The following PPFIA1 variants were observed in gnomAD, a reference collection of about 807,000 sequenced individuals.
PPFIA1 encodes the protein liprin-alpha-1.
A neutral mutation model predicts 149.9 loss-of-function variants in PPFIA1; 25 were observed. The observed-to-expected ratio is 0.17, with a 90% CI of 0.12 to 0.23. PPFIA1 has a LOEUF of 0.23. PPFIA1 is among the 10% of genes least tolerant of loss of function. The probability of loss-of-function intolerance (pLI) is 1.00; values close to 1 mark genes in which losing one functional copy is unlikely to be tolerated. For synonymous variants in PPFIA1, 549 were observed against 552.8 expected (o/e 0.99, Z 0.10); for missense variants, 1,362 against 1,506.5 (o/e 0.90, Z 1.59).
Position 70,362,507 on chromosome 11 carries a change from C to G in PPFIA1, c.2865+19C>G. ...TAGAACGGTACGTTCAGAGACAACC[C>G]CTGCATTCTTTGGAAACAGGGAATG... On this transcript the variant is annotated intron_variant, in intron 21 of 27. Transcript: ENST00000253925. 6.4e-7 allele frequency: 1 copy of G among 1,556,616 alleles called. No homozygotes were observed. The highest frequency in any genetic ancestry group is 8.7e-7 in the Non-Finnish European group (1 of 1,149,524).
intron 2 of PPFIA1, among the ~76,000 whole-genome samples, chr11:70,318,867 T>C (rs764360733): frequency 2.0e-5 from 3 of 152,250 alleles, no homozygotes; most frequent in Non-Finnish European, 4.4e-5. Flanking sequence ...CATCCCTGAT[T>C]GCTCCTAGCC....
At chr11:70,371,400 T>TCG (rs1459492251) in intron 21 of PPFIA1, 3 of 15,110 alleles carry the variant, frequency 2.0e-4, no homozygotes, top group East Asian at 1.6e-3. Context: ...GTTTGGTGGA[T>TCG]TGTTCTATAT....
chr11:70,301,829 G>A (rs896735566), intron 2 of PPFIA1, among the ~76,000 whole-genome samples: 3 of 152,164 alleles, frequency 2.0e-5, no homozygotes, highest in African/African-American at 4.8e-5. Flanking sequence ...TAGAGCTCTC[G>A]TCAGACTGCT....
intron 2 of PPFIA1, among the ~76,000 whole-genome samples, chr11:70,284,563 G>T (rs919475637): frequency 6.6e-6 from 1 of 152,200 alleles, no homozygotes; most frequent in Non-Finnish European, 1.5e-5. Context: ...TGCAGGTTGC[G>T]AGACACATCC....
At chr11:70,356,092 G>C (rs2056346437) in intron 18 of PPFIA1, 69 bp from the exon 19 acceptor site, 2 of 1,241,618 alleles carry the variant, frequency 1.6e-6, no homozygotes, top group Admixed American at 3.8e-5. Flanking sequence ...ATATTCATCT[G>C]CCTATTTATG....
Position 70,372,335 on chromosome 11 carries a change from C to G in PPFIA1, c.2986C>G (p.His996Asp). 1 of 1,614,182 alleles carries G rather than the reference C, an allele frequency of 6.2e-7. No individual in the cohort carries two copies. Among genetic ancestry groups the G allele is most frequent in the Non-Finnish European group, 8.5e-7 (1 of 1,180,040 alleles). The change falls in exon 22 of 28, where the codon CAC (histidine) becomes GAC (aspartate). Residue 996 changes from histidine (H) to aspartate (D), a missense_variant. Physicochemically the swap from His to Asp is moderately conservative, Grantham distance 81. Coordinates refer to ENST00000253925, the MANE Select transcript of PPFIA1 (RefSeq NM_003626.5). ...ECLVDARMLD[H>D]LTKKDLRGQL... ...CCTTGTAGACGCCAGGATGCTGGAC[C>G]ACTTGACCAAGAAAGACCTTCGAGG...
chr11:70,380,306 G>A lies in PPFIA1; in HGVS notation c.3551-1782G>A, dbSNP rs1230097107. Among the ~76,000 whole-genome samples, 4 of 151,748 alleles carry A rather than the reference G, an allele frequency of 2.6e-5. No homozygotes were observed. In the East Asian group the frequency reaches 5.8e-4, roughly 22 times the overall value. ...AAATCGGCCGGGCTCGGTGGCTCAC[G>A]CCTGTAATCCCAGCACTTTGGGAGG... On this transcript the variant is annotated intron_variant, in intron 26 of 27. Coordinates refer to ENST00000253925, the MANE Select transcript of PPFIA1 (RefSeq NM_003626.5).
chr11:70,374,407 C>T (rs1034907315), intron 23 of PPFIA1: 1 of 152,392 alleles, frequency 6.6e-6, no homozygotes. Context: ...TGCAAAGTCT[C>T]TAATGTGCTG....
intron 2 of PPFIA1, among the ~76,000 whole-genome samples, chr11:70,302,925 C>T (rs1317517471): frequency 7.9e-5 from 12 of 152,084 alleles, no homozygotes; most frequent in Admixed American, 6.5e-5. Context: ...CCTAATAAGG[C>T]GTCTTTCAGT....
At position 70,372,321 on chromosome 11, in the gene PPFIA1, C is replaced by T. The variant is rs549513152; in HGVS notation, c.2972C>T (p.Ala991Val). Residue 991 changes from alanine (A) to valine (V), a missense_variant, in exon 22 of 28, where the codon GCC becomes GTC. Physicochemically the swap from Ala to Val is moderately conservative, Grantham distance 64 (BLOSUM62 0). This residue lies in a region of PPFIA1 where 349 missense variants were observed against 373.3 expected (regional missense o/e 0.93). Coordinates refer to ENST00000253925, the MANE Select transcript of PPFIA1 (RefSeq NM_003626.5). Reference sequence around the variant, plus strand: ...TACTTCATGGAGTGCCTTGTAGACGCCAGGATGCTGGACCACTTGACCAAG... The same window carrying T: ...TACTTCATGGAGTGCCTTGTAGACGTCAGGATGCTGGACCACTTGACCAAG... ...RSYFMECLVD[A>V]RMLDHLTKKD... 6.2e-7 allele frequency: 1 copy of T among 1,614,190 alleles called. No individual in the cohort carries two copies. Among genetic ancestry groups the T allele is most frequent in the East Asian group, 2.2e-5 (1 of 44,880 alleles).
chr11:70,318,103 C>G (rs895957296), intron 2 of PPFIA1, among the ~76,000 whole-genome samples: 1 of 152,120 alleles, frequency 6.6e-6, no homozygotes, highest in Admixed American at 6.5e-5. Context: ...TTCTCCATGC[C>G]CATTCACCTC....
chr11:70,295,271 C>T (rs1315972371), intron 2 of PPFIA1, among the ~76,000 whole-genome samples: 2,536 of 105,998 alleles, frequency 0.024, 154 homozygotes, highest in African/African-American at 0.058. Flanking sequence ...GGTGGCTGGC[C>T]GGGCGAGGGG....
At chr11:70,337,814 C>T (rs1211858816) in intron 12 of PPFIA1, among the ~76,000 whole-genome samples, 2 of 152,080 alleles carry the variant, frequency 1.3e-5, no homozygotes, top group Non-Finnish European at 2.9e-5. Flanking sequence ...GTTATTATTT[C>T]ATAATGTATT....
chr11:70,297,816 A>G (rs1275780234), intron 2 of PPFIA1, among the ~76,000 whole-genome samples: 3 of 152,164 alleles, frequency 2.0e-5, no homozygotes, highest in Admixed American at 6.5e-5. Flanking sequence ...TGGGAGAGCA[A>G]GTTTCTGGTG....
chr11:70,281,750 G>A (rs955714213), intron 2 of PPFIA1, among the ~76,000 whole-genome samples: 1 of 152,106 alleles, frequency 6.6e-6, no homozygotes, highest in Admixed American at 6.6e-5. Flanking sequence ...CTGAATAGTG[G>A]ACTCACCTCA....
At chr11:70,316,951 T>C (rs1321644410) in intron 2 of PPFIA1, among the ~76,000 whole-genome samples, 1 of 152,218 alleles carries the variant, frequency 6.6e-6, no homozygotes, top group Non-Finnish European at 1.5e-5. Context: ...TTTAGCTGAT[T>C]TTAGTGTTAC....
intron 14 of PPFIA1, among the ~76,000 whole-genome samples, chr11:70,340,144 A>G (rs974454022): frequency 6.6e-6 from 1 of 151,970 alleles, no homozygotes; most frequent in Non-Finnish European, 1.5e-5. Context: ...ATTAAAAAAA[A>G]AAAAAAGAAA....
At chr11:70,344,420 C>T (rs1347918404) in intron 15 of PPFIA1, among the ~76,000 whole-genome samples, 1 of 152,242 alleles carries the variant, frequency 6.6e-6, no homozygotes, top group Admixed American at 6.5e-5. Context: ...GCACTCAGAA[C>T]ACATGCACAC....
intron 14 of PPFIA1, among the ~76,000 whole-genome samples, chr11:70,343,168 G>A (rs570537512): frequency 6.6e-6 from 1 of 152,106 alleles, no homozygotes; most frequent in South Asian, 2.1e-4. Context: ...GGTTGGTCTC[G>A]AACTCCTGAC....
Sources: gnomAD v4.1 joint callset for allele counts (sites outside exome capture counted in the v4.1 genomes callset) on GRCh38, gnomAD v4.1.1 for gene constraint, gnomAD v4.1.1 regional missense constraint, MANE v1.5 for transcripts, NCBI Gene and HGNC (gene_info 2026-07-23, HGNC 2026-07-21) for gene names.